Variants in ANKRD36C observed in about 807,000 individuals in gnomAD.
ANKRD36C encodes ankyrin repeat domain-containing protein 36C.
Under a neutral mutation model 276.4 loss-of-function variants are expected in ANKRD36C, and 61 were observed. The ratio of observed to expected loss-of-function variants is 0.22; its 90% CI spans 0.18 to 0.27. The LOEUF (loss-of-function observed/expected upper bound fraction) is 0.27, where lower values mean the gene tolerates loss of function less well. Ranked by LOEUF, ANKRD36C falls within the 10% of genes least tolerant of loss-of-function variation. The pLI is 1.00. For missense variants in ANKRD36C, 1,447 were observed against 2,032.3 expected, an observed-to-expected ratio of 0.71 and a Z score of 5.54; for synonymous variants, 483 against 680.1, an observed-to-expected ratio of 0.71 and a Z score of 4.51.
intron 24 of ANKRD36C, among the ~76,000 whole-genome samples, chr2:95,932,396 A>G (rs1677594791): frequency 6.6e-6 from 1 of 152,390 alleles, no homozygotes; most frequent in Admixed American, 6.5e-5. Flanking sequence ...GTCAATGTGG[A>G]TAGATCTGAA....
At chr2:95,960,101 C>A (rs895072873) in intron 10 of ANKRD36C, among the ~76,000 whole-genome samples, 10 of 152,164 alleles carry the variant, frequency 6.6e-5, no homozygotes, top group Admixed American at 5.9e-4. Flanking sequence ...CTTCTTCCCT[C>A]TGGTTTTAGC....
chr2:95,936,205 TC>T (rs1363131627), intron 22 of ANKRD36C, among the ~76,000 whole-genome samples: 4 of 151,252 alleles, frequency 2.6e-5, no homozygotes, highest in Non-Finnish European at 4.5e-5. Context: ...ATAAAACAAA[TC>T]TAACCAAAAT....
At chr2:95,974,880 A>T in intron 6 of ANKRD36C, among the ~76,000 whole-genome samples, 1 of 134,130 alleles carries the variant, frequency 7.5e-6, no homozygotes, top group Non-Finnish European at 1.5e-5. Flanking sequence ...TTCAATTCCC[A>T]CCTATGAGTG....
intron 42 of ANKRD36C, among the ~76,000 whole-genome samples, chr2:95,907,797 A>C (rs1171969164): frequency 6.7e-6 from 1 of 149,946 alleles, no homozygotes; most frequent in Non-Finnish European, 1.5e-5. Flanking sequence ...CATTTTTATA[A>C]CTAAAATCAA....
chr2:95,981,914 A>T (rs1248937145), intron 4 of ANKRD36C, among the ~76,000 whole-genome samples: 1 of 152,208 alleles, frequency 6.6e-6, no homozygotes, highest in Non-Finnish European at 1.5e-5. Context: ...ATGTAAGATC[A>T]TACAATCAAA....
chr2:95,890,248 T>A (rs1676308971), intron 46 of ANKRD36C, among the ~76,000 whole-genome samples: 1 of 151,472 alleles, frequency 6.6e-6, no homozygotes, highest in East Asian at 1.9e-4. Context: ...AATAAAGCCC[T>A]GTCAATATCA....
At chr2:95,910,721 C>T (rs990703886) in intron 42 of ANKRD36C, among the ~76,000 whole-genome samples, 153 bp from the exon 45 acceptor site, 2 of 151,352 alleles carry the variant, frequency 1.3e-5, no homozygotes, top group African/African-American at 2.4e-5. Flanking sequence ...TAGAACATGA[C>T]AGAAGTACAC....
intron 60 of ANKRD36C, among the ~76,000 whole-genome samples, chr2:95,866,206 A>T (rs542023915): frequency 1.6e-5 from 2 of 128,682 alleles, no homozygotes; most frequent in African/African-American, 5.8e-5. Context: ...AACACAGGAA[A>T]AATCTTTGTG....
At chr2:95,914,423 G>C (rs1677030753) in intron 38 of ANKRD36C, 120 bp from the exon 41 acceptor site, 1 of 1,292,938 alleles carries the variant, frequency 7.7e-7, no homozygotes. Flanking sequence ...GTCTTTGATG[G>C]CTTCTACTTT....
chr2:95,855,364 G>A (rs771794050), exon 63 of ANKRD36C: 35 of 1,612,892 alleles, frequency 2.2e-5, no homozygotes, highest in Admixed American at 1.5e-4. Flanking sequence ...AGTAAGAGAC[G>A]GTGCTTTCTG....
chr2:95,916,230 C>A, intron 36 of ANKRD36C, 59 bp from the exon 39 acceptor site: 1 of 1,595,954 alleles, frequency 6.3e-7, no homozygotes, highest in Non-Finnish European at 8.5e-7. Context: ...GTTATCCATA[C>A]ATTCACACAG....
intron 42 of ANKRD36C, among the ~76,000 whole-genome samples, 153 bp from the exon 47 acceptor site, chr2:95,908,850 C>T (rs981056735): frequency 2.6e-5 from 4 of 151,304 alleles, no homozygotes; most frequent in Non-Finnish European, 5.9e-5. Flanking sequence ...TAGAACATGA[C>T]AGAAATACGC....
chr2:95,850,683 C>G (rs2950718), downstream of ANKRD36C, among the ~76,000 whole-genome samples: 5 of 152,104 alleles, frequency 3.3e-5, no homozygotes, highest in Admixed American at 1.3e-4. Context: ...ACTTTTCCCA[C>G]GGGCAAAAGT....
intron 59 of ANKRD36C, among the ~76,000 whole-genome samples, chr2:95,876,228 T>C (rs1399070529): frequency 6.6e-6 from 1 of 152,174 alleles, no homozygotes; most frequent in Admixed American, 6.6e-5. Flanking sequence ...TTAACTCAAT[T>C]CCAAGAGTAA....
chr2:95,918,584 T>C (rs533825959), intron 34 of ANKRD36C, among the ~76,000 whole-genome samples: 2 of 151,826 alleles, frequency 1.3e-5, no homozygotes, highest in South Asian at 4.1e-4. Context: ...GGATATCTGT[T>C]TGCTGATACC....
At chr2:95,986,515 G>C (rs559007547) in intron 3 of ANKRD36C, 1 of 488,658 alleles carries the variant, frequency 2.0e-6, no homozygotes, top group Admixed American at 3.9e-5. Flanking sequence ...CAAATTTATT[G>C]TAATTCATGT....
intron 13 of ANKRD36C, among the ~76,000 whole-genome samples, chr2:95,954,715 T>C (rs1678286968): frequency 6.6e-6 from 1 of 152,212 alleles, no homozygotes; most frequent in Non-Finnish European, 1.5e-5. Context: ...ATATAGATCC[T>C]GCTTTATTCA....
chr2:95,853,865 A>G lies in ANKRD36C; in HGVS notation c.4996-4T>C. On this transcript the variant is annotated splice_region_variant and splice_polypyrimidine_tract_variant and intron_variant, in intron 63 of 66. Coordinates refer to ENST00000456556, the Ensembl canonical transcript of ANKRD36C. ...GTTGAAGCTGTCTCACAGCTACCTG[A>G]TAAGATGTTATTTTTGTTACTGATT... is the stretch of plus-strand genomic sequence containing the variant. 6.2e-7 allele frequency: 1 copy of G among 1,604,692 alleles called. No homozygotes were observed. Among genetic ancestry groups the G allele is most frequent in the Non-Finnish European group, 8.5e-7 (1 of 1,176,392 alleles).
At chr2:95,973,379 TC>T (rs1471374914) in intron 6 of ANKRD36C, among the ~76,000 whole-genome samples, 41 of 151,948 alleles carry the variant, frequency 2.7e-4, no homozygotes, top group Admixed American at 2.6e-3. Context: ...GCCACCGCAC[TC>T]CAGCCTGGGC....
Sources: allele counts gnomAD v4.1 joint callset (sites outside exome capture counted in the v4.1 genomes callset), GRCh38; gene constraint gnomAD v4.1.1; transcripts MANE v1.5; gene names NCBI Gene and HGNC (gene_info 2026-07-23, HGNC 2026-07-21).